Variants in MYO5A observed in about 807,000 individuals in gnomAD.
The protein encoded by MYO5A is myosin VA.
In MYO5A, 98 loss-of-function variants were observed where a neutral mutation model predicts 249.7. That is an observed-to-expected ratio of 0.39 (90% CI 0.33 to 0.46). MYO5A has a LOEUF of 0.46. MYO5A is among the 20% of genes least tolerant of loss of function. The pLI, the probability that MYO5A is intolerant of heterozygous loss-of-function variation, is 0.98. For synonymous variants in MYO5A, 778 were observed against 810.6 expected (o/e 0.96, Z 0.68); for missense variants, 1,696 against 2,308.8 (o/e 0.73, Z 5.44).
At chr15:52,511,140 C>A (rs907737060) in intron 1 of MYO5A, among the ~76,000 whole-genome samples, 18 of 152,206 alleles carry the variant, frequency 1.2e-4, no homozygotes, top group Non-Finnish European at 1.9e-4. Context: ...TACACAGACT[C>A]AGAAAACTCT....
intron 1 of MYO5A, among the ~76,000 whole-genome samples, chr15:52,522,559 C>G (rs946584406): frequency 4.6e-5 from 7 of 152,198 alleles, no homozygotes; most frequent in Non-Finnish European, 1.0e-4. Flanking sequence ...AACAGTACCT[C>G]ATACTTCACT....
intron 27 of MYO5A, among the ~76,000 whole-genome samples, chr15:52,352,992 T>A (rs1261725693): frequency 6.6e-6 from 1 of 152,184 alleles, no homozygotes; most frequent in African/African-American, 2.4e-5. Flanking sequence ...CTTTGATGTG[T>A]AAACTACAAA....
At chr15:52,528,418 C>T (rs904798820) in intron 1 of MYO5A, among the ~76,000 whole-genome samples, 5 of 152,230 alleles carry the variant, frequency 3.3e-5, no homozygotes, top group African/African-American at 1.2e-4. Context: ...CTGGAGCAAG[C>T]ATCTCCCACC....
At chr15:52,363,742 G>A (rs915387514) in intron 24 of MYO5A, among the ~76,000 whole-genome samples, 2 of 152,170 alleles carry the variant, frequency 1.3e-5, no homozygotes, top group East Asian at 3.8e-4. Flanking sequence ...TTTGTTTCCT[G>A]ATAGCAGGAT....
intron 1 of MYO5A, among the ~76,000 whole-genome samples, chr15:52,478,710 C>T (rs1020256726): frequency 3.9e-5 from 6 of 152,226 alleles, no homozygotes; most frequent in South Asian, 2.1e-4. Flanking sequence ...ATGAAAAATA[C>T]GTGAGAAGCG....
At chr15:52,442,859 G>A (rs542630760) in intron 1 of MYO5A, among the ~76,000 whole-genome samples, 64 of 151,500 alleles carry the variant, frequency 4.2e-4, no homozygotes, top group African/African-American at 1.5e-3. Context: ...AGGTTCGAGC[G>A]ATTCTCTTCC....
At chr15:52,392,436 A>G (rs2042280960) in intron 11 of MYO5A, among the ~76,000 whole-genome samples, 1 of 152,216 alleles carries the variant, frequency 6.6e-6, no homozygotes, top group South Asian at 2.1e-4. Flanking sequence ...GCATTTAACA[A>G]CTATGTTGAT....
At chr15:52,393,750 T>C (rs1567083779) in intron 11 of MYO5A, among the ~76,000 whole-genome samples, 2 of 152,186 alleles carry the variant, frequency 1.3e-5, no homozygotes, top group Non-Finnish European at 2.9e-5. Flanking sequence ...AAAACAGTCA[T>C]CCATATGAAT....
At chr15:52,507,554 A>C (rs2077298783) in intron 1 of MYO5A, among the ~76,000 whole-genome samples, 2 of 152,192 alleles carry the variant, frequency 1.3e-5, no homozygotes, top group Admixed American at 6.5e-5. Context: ...ACAGGGACTC[A>C]CACCTGTAAT....
intron 1 of MYO5A, among the ~76,000 whole-genome samples, chr15:52,439,695 A>AT (rs1305416928): frequency 6.6e-6 from 1 of 152,206 alleles, no homozygotes; most frequent in Non-Finnish European, 1.5e-5. Flanking sequence ...ATGGGGCATG[A>AT]ATCAGAGGCT....
At position 52,366,952 on chromosome 15, in the gene MYO5A, G is replaced by T. The variant is rs115794513; in HGVS notation, c.3160+79C>A. ...ATATTTAAATTCTAAATAATGTTGTGTAACTCATCAAATGACATTGTAACT... is the reference window on the plus strand; with the variant it reads ...ATATTTAAATTCTAAATAATGTTGTTTAACTCATCAAATGACATTGTAACT... On this transcript the variant is annotated intron_variant, in intron 23 of 41. Coordinates refer to ENST00000399233, the MANE Select transcript of MYO5A (RefSeq NM_001382347.1). The T allele has an allele frequency of 5.3e-4, 608 of 1,156,564 alleles. 4 individuals are homozygous for T. In the African/African-American group the frequency reaches 7.7e-3, roughly 15 times the overall value. 71.6% of individuals were successfully genotyped at this position (1,156,564 alleles called of 1,614,324 possible).
chr15:52,438,021 A>G, intron 1 of MYO5A: 1 of 984,704 alleles, frequency 1.0e-6, no homozygotes. Context: ...AAACCATTCT[A>G]TTATTACCAT....
intron 12 of MYO5A, among the ~76,000 whole-genome samples, chr15:52,391,453 A>G (rs1360343572): frequency 6.6e-6 from 1 of 152,240 alleles, no homozygotes; most frequent in Non-Finnish European, 1.5e-5. Context: ...ACTCAGTGGT[A>G]AAGCTGGGGA....
intron 35 of MYO5A, 43 bp downstream of exon 35, chr15:52,330,310 C>A: frequency 6.2e-7 from 1 of 1,613,492 alleles, no homozygotes; most frequent in South Asian, 1.1e-5. Context: ...ACCATTAACC[C>A]ATGTGCCAGA....
intron 8 of MYO5A, among the ~76,000 whole-genome samples, chr15:52,405,808 G>A (rs1470031182): frequency 2.0e-5 from 3 of 152,180 alleles, no homozygotes; most frequent in Admixed American, 6.5e-5. Flanking sequence ...TAAACAAATT[G>A]TTGTCATCAT....
chr15:52,468,446 C>T (rs1408172107), intron 1 of MYO5A, among the ~76,000 whole-genome samples: 2 of 152,148 alleles, frequency 1.3e-5, no homozygotes, highest in Non-Finnish European at 2.9e-5. Context: ...CTGCTTGAGC[C>T]CAGGAGTTCA....
At position 52,317,240 on chromosome 15, in the gene MYO5A, TAC is replaced by T; in HGVS notation, c.5235-20_5235-19del. ...CATTGTACCTATGAAAAAAAAGAGA[TAC>T]AGAGAATGCAAATTTGCTGAATTTT... On this transcript the variant is annotated intron_variant, in intron 39 of 41. Transcript: ENST00000399233. 6.2e-7 allele frequency: 1 copy of T among 1,612,508 alleles called. No homozygotes were observed. The highest frequency in any genetic ancestry group is 8.5e-7 in the Non-Finnish European group (1 of 1,179,642).
chr15:52,339,174 T>A (rs2039265665), intron 32 of MYO5A, among the ~76,000 whole-genome samples: 1 of 152,148 alleles, frequency 6.6e-6, no homozygotes, highest in South Asian at 2.1e-4. Flanking sequence ...TTCTAATTCA[T>A]ATAAAAGATG....
intron 13 of MYO5A, among the ~76,000 whole-genome samples, chr15:52,389,021 T>A (rs1465943968): frequency 1.3e-5 from 2 of 152,012 alleles, no homozygotes; most frequent in Non-Finnish European, 2.9e-5. Context: ...TTACAGAGAT[T>A]CCTGGATTTC....
Sources: allele counts gnomAD v4.1 joint callset (sites outside exome capture counted in the v4.1 genomes callset), GRCh38; gene constraint gnomAD v4.1.1; transcripts MANE v1.5; gene names NCBI Gene and HGNC (gene_info 2026-07-23, HGNC 2026-07-21).